The following PAWR variants were observed in gnomAD, a reference collection of about 807,000 sequenced individuals.
PAWR encodes PRKC apoptosis WT1 regulator protein.
A neutral mutation model predicts 32.0 loss-of-function variants in PAWR; 23 were observed. The observed-to-expected ratio is 0.72, with a 90% CI of 0.52 to 1.02. The LOEUF is 1.02. Ranked by LOEUF, PAWR falls within the 50% of genes least tolerant of loss-of-function variation. The pLI, the probability that PAWR is intolerant of heterozygous loss-of-function variation, is 0.00. For missense variants in PAWR, 457 were observed against 437.7 expected (o/e 1.04, Z -0.39); for synonymous variants, 226 against 187.1 (o/e 1.21, Z -1.70).
Position 79,613,537 on chromosome 12 carries a change from T to TCATGTCTACAATATGTTTTTAAA in PAWR, c.683+37_683+38insTTTAAAAACATATTGTAGACATG, listed in dbSNP as rs1874534694. On this transcript the variant is annotated intron_variant, in intron 4 of 6. Transcript: ENST00000328827. The stretch of plus-strand genomic sequence containing the variant: ...AGTCAATGTCAGACAGACATTACAT[T>TCATGTCTACAATATGTTTTTAAA]CATGTCTACAATATGTTTAAGTCAT... 6 of 1,158,058 alleles carry TCATGTCTACAATATGTTTTTAAA rather than the reference T, an allele frequency of 5.2e-6. No individual in the cohort carries two copies. The East Asian group carries it at 1.4e-4, about 27-fold the overall frequency. The allele number at this position is 1,158,058 out of a possible 1,614,324, so 71.7% of individuals were successfully genotyped here. A position where few individuals can be genotyped will look rare whatever the true frequency, so the allele number is the denominator to read the frequency against.
intron 2 of PAWR, among the ~76,000 whole-genome samples, chr12:79,626,506 C>T (rs936932187): frequency 2.6e-5 from 4 of 151,506 alleles, no homozygotes; most frequent in Admixed American, 6.6e-5. Flanking sequence ...TGATCCACCC[C>T]CCACGGCCTC....
intron 2 of PAWR, among the ~76,000 whole-genome samples, chr12:79,666,986 G>C (rs1415410875): frequency 6.6e-6 from 1 of 152,178 alleles, no homozygotes; most frequent in Non-Finnish European, 1.5e-5. Flanking sequence ...GGGCAAACCT[G>C]CCTCTGACCT....
chr12:79,632,336 TATATATATATATATATA>T (rs1875715523), intron 2 of PAWR, among the ~76,000 whole-genome samples: 1 of 57,580 alleles, frequency 1.7e-5, no homozygotes, highest in African/African-American at 2.1e-4. Flanking sequence ...TATATATATA[TATATATATATATATATA>T]TATATATATT....
At position 79,588,133 on chromosome 12, in the gene PAWR, C is replaced by T. The variant is rs1176194484; in HGVS notation, c.*4474G>A. The T allele has an allele frequency of 6.6e-6, 1 of 151,948 alleles. No homozygotes were observed. Among genetic ancestry groups the T allele is most frequent in the African/African-American group, 2.4e-5 (1 of 41,426 alleles). The allele number at this position is 151,948 out of a possible 1,614,324, so 9.4% of individuals were successfully genotyped here. A position where few individuals can be genotyped will look rare whatever the true frequency, so the allele number is the denominator to read the frequency against. On this transcript the variant is annotated 3_prime_UTR_variant, in exon 7 of 7. Coordinates refer to ENST00000328827, the MANE Select transcript of PAWR (RefSeq NM_002583.4). Reference sequence around the variant, plus strand: ...AGTTCACCAAAAAAGTAGCATACACCTATTTGGTATCCAGAGGAGGAAACA... The same window carrying T: ...AGTTCACCAAAAAAGTAGCATACACTTATTTGGTATCCAGAGGAGGAAACA...
At chr12:79,613,959 A>T (rs1566002581) in intron 3 of PAWR, among the ~76,000 whole-genome samples, 5 of 7,028 alleles carry the variant, frequency 7.1e-4, no homozygotes, top group Admixed American at 4.1e-3. Context: ...ATATATATAT[A>T]TATATATATA....
At chr12:79,596,477 AT>A in intron 5 of PAWR, 33 bp downstream of exon 5, 1 of 1,092,014 alleles carries the variant, frequency 9.2e-7, no homozygotes, top group Non-Finnish European at 1.3e-6. Flanking sequence ...TGGTATATTA[AT>A]TTTATCAATC....
chr12:79,646,280 A>G (rs1275792920), intron 2 of PAWR, among the ~76,000 whole-genome samples: 2 of 152,020 alleles, frequency 1.3e-5, no homozygotes, highest in East Asian at 3.9e-4. Flanking sequence ...TACTAAGGAC[A>G]CTCCTGCCCC....
At chr12:79,614,720 T>C (rs1874642508) in intron 3 of PAWR, among the ~76,000 whole-genome samples, 1 of 152,210 alleles carries the variant, frequency 6.6e-6, no homozygotes, top group African/African-American at 2.4e-5. Flanking sequence ...GAAGTTCTCA[T>C]CTGGTTAAGG....
At chr12:79,684,632 GAAAGAAAAAAAC>G (rs1264648885) in intron 2 of PAWR, among the ~76,000 whole-genome samples, 1 of 151,392 alleles carries the variant, frequency 6.6e-6, no homozygotes, top group African/African-American at 2.4e-5. Context: ...AAAAAAGAAA[GAAAGAAAAAAAC>G]AAAGAAAATA....
At chr12:79,661,780 G>A (rs1020422396) in intron 2 of PAWR, among the ~76,000 whole-genome samples, 10 of 152,140 alleles carry the variant, frequency 6.6e-5, no homozygotes, top group African/African-American at 2.4e-4. Flanking sequence ...TGTGTCATCA[G>A]TAAATGGTAA....
intron 4 of PAWR, among the ~76,000 whole-genome samples, chr12:79,602,835 G>A (rs942254313): frequency 6.7e-6 from 1 of 150,120 alleles, no homozygotes; most frequent in African/African-American, 2.5e-5. Flanking sequence ...CAAACTCCTG[G>A]CTTCTGGATC....
intron 5 of PAWR, 51 bp downstream of exon 5, chr12:79,596,460 A>G: frequency 1.1e-6 from 1 of 908,228 alleles, no homozygotes; most frequent in Non-Finnish European, 1.7e-6. Flanking sequence ...AAACAAAAGA[A>G]TTCTAATGGT....
intron 4 of PAWR, among the ~76,000 whole-genome samples, chr12:79,597,637 A>T (rs554198557): frequency 7.7e-4 from 117 of 152,356 alleles, no homozygotes; most frequent in South Asian, 1.5e-3. Flanking sequence ...CCATATTGAT[A>T]ATTTTGTTAT....
intron 1 of PAWR, 23 bp from the exon 2 acceptor site, chr12:79,690,414 G>A (rs954678328): frequency 5.4e-6 from 7 of 1,303,322 alleles, no homozygotes; most frequent in Non-Finnish European, 6.9e-6. Context: ...ACAAAAGGGG[G>A]CGGGTAAGGG....
intron 2 of PAWR, among the ~76,000 whole-genome samples, chr12:79,653,210 A>C (rs926821950): frequency 6.6e-6 from 1 of 151,874 alleles, no homozygotes; most frequent in African/African-American, 2.4e-5. Context: ...TAATTTTTGT[A>C]TTTTTAGTAG....
chr12:79,596,749 T>C (rs1408989427), intron 4 of PAWR, 91 bp from the exon 5 acceptor site: 1 of 757,978 alleles, frequency 1.3e-6, no homozygotes, highest in Non-Finnish European at 2.1e-6. Flanking sequence ...AAAATTAACA[T>C]TCCCCAAGGA....
intron 2 of PAWR, among the ~76,000 whole-genome samples, chr12:79,651,216 A>G (rs1876828593): frequency 6.6e-6 from 1 of 152,236 alleles, no homozygotes; most frequent in Non-Finnish European, 1.5e-5. Context: ...TTACATTTCT[A>G]AACTTTATTT....
In PAWR at chr12:79,613,669, T is replaced by C. The variant is rs180688372; in HGVS notation, c.649-60A>G. The C allele has an allele frequency of 2.7e-5, 23 of 842,512 alleles. No homozygotes were observed. In the Admixed American group the frequency reaches 4.3e-4, roughly 16 times the overall value. 52.2% of individuals were successfully genotyped at this position (842,512 alleles called of 1,614,324 possible). On this transcript the variant is annotated intron_variant, in intron 3 of 6. Coordinates refer to ENST00000328827, the MANE Select transcript of PAWR (RefSeq NM_002583.4). The stretch of plus-strand genomic sequence containing the variant: ...TATGTATGTACACAATTACTTATTA[T>C]ATAAAATAGTTGATAGAGAATACCT...
At chr12:79,625,001 C>T (rs1875214197) in intron 2 of PAWR, among the ~76,000 whole-genome samples, 1 of 152,062 alleles carries the variant, frequency 6.6e-6, no homozygotes, top group South Asian at 2.1e-4. Flanking sequence ...TTTCCAAATT[C>T]CACTCAATAG....
Sources: allele counts gnomAD v4.1 joint callset (sites outside exome capture counted in the v4.1 genomes callset), GRCh38; gene constraint gnomAD v4.1.1; transcripts MANE v1.5; gene names NCBI Gene and HGNC (gene_info 2026-07-23, HGNC 2026-07-21).